Variants in ANKRD11 observed in about 807,000 individuals in gnomAD.
The protein encoded by ANKRD11 is ankyrin repeat domain 11, also known as ankyrin repeat domain-containing protein 11.
Under a neutral mutation model 195.7 loss-of-function variants are expected in ANKRD11, and 17 were observed. The ratio of observed to expected loss-of-function variants is 0.09; its 90% CI spans 0.06 to 0.13. The LOEUF is 0.13. Ranked by LOEUF, ANKRD11 falls within the 10% of genes least tolerant of loss-of-function variation. The pLI is 1.00. For synonymous variants in ANKRD11, 1,953 were observed against 1,528.1 expected (o/e 1.28, Z -6.49); for missense variants, 3,735 against 3,566.1 (o/e 1.05, Z -1.21).
chr16:89,340,802 T>C (rs2038620297), intron 2 of ANKRD11, among the ~76,000 whole-genome samples: 1 of 152,118 alleles, frequency 6.6e-6, no homozygotes, highest in Non-Finnish European at 1.5e-5. Flanking sequence ...ACCCCAGAAA[T>C]CACACAGAAA....
intron 1 of ANKRD11, among the ~76,000 whole-genome samples, chr16:89,487,099 T>C (rs1265588788): frequency 6.6e-6 from 1 of 152,118 alleles, no homozygotes; most frequent in Non-Finnish European, 1.5e-5. Flanking sequence ...TTTATTTGAA[T>C]TCATTCCATT....
intron 4 of ANKRD11, chr16:89,298,110 T>A (rs1259946841): frequency 6.6e-6 from 1 of 151,340 alleles, no homozygotes; most frequent in Non-Finnish European, 1.5e-5. Flanking sequence ...GTGGCAAGGG[T>A]GGGAAGGAGC....
At chr16:89,448,967 T>G (rs1245632235) in intron 1 of ANKRD11, among the ~76,000 whole-genome samples, 2 of 152,186 alleles carry the variant, frequency 1.3e-5, no homozygotes, top group African/African-American at 4.8e-5. Flanking sequence ...TAGTTCTTGG[T>G]AGCAGCCATC....
chr16:89,385,939 A>G (rs1259873181), intron 2 of ANKRD11, among the ~76,000 whole-genome samples: 1 of 152,216 alleles, frequency 6.6e-6, no homozygotes, highest in East Asian at 1.9e-4. Flanking sequence ...CGGATGCCAA[A>G]CTTAGCACAC....
At chr16:89,314,159 G>A (rs904071528) in intron 3 of ANKRD11, among the ~76,000 whole-genome samples, 10 of 151,846 alleles carry the variant, frequency 6.6e-5, no homozygotes, top group South Asian at 6.2e-4. Flanking sequence ...GGGGCAGTGG[G>A]GCAGGGTGGG....
chr16:89,384,581 G>A (rs1170540755), intron 2 of ANKRD11, among the ~76,000 whole-genome samples: 1 of 152,124 alleles, frequency 6.6e-6, no homozygotes, highest in Admixed American at 6.5e-5. Flanking sequence ...GGGACGGGAC[G>A]GGATGGGGCA....
intron 2 of ANKRD11, among the ~76,000 whole-genome samples, chr16:89,413,937 C>G (rs2042196849): frequency 6.6e-6 from 1 of 152,152 alleles, no homozygotes; most frequent in Non-Finnish European, 1.5e-5. Flanking sequence ...TCCAACCTGG[C>G]CACCCAGACA....
intron 2 of ANKRD11, among the ~76,000 whole-genome samples, chr16:89,391,875 A>G (rs1273863128): frequency 5.9e-5 from 9 of 152,258 alleles, no homozygotes; most frequent in Admixed American, 3.9e-4. Context: ...AAATCAATGT[A>G]CTTTATGTTC....
At chr16:89,286,282 G>A in intron 7 of ANKRD11, 96 bp from the exon 8 acceptor site, 1 of 1,549,164 alleles carries the variant, frequency 6.5e-7, no homozygotes, top group Non-Finnish European at 8.8e-7. Context: ...GAACCCTGGG[G>A]TTCGACCCGA....
chr16:89,290,693 C>T lies in ANKRD11; in HGVS notation c.533G>A (p.Arg178His). The T allele has an allele frequency of 1.2e-6, 2 of 1,614,108 alleles. No homozygotes were observed. The highest frequency in any genetic ancestry group is 8.5e-7 in the Non-Finnish European group (1 of 1,180,024). ...GETRLHRAAI[R>H]GDARRIKELI... ...CTCTTTGATGCGCCGGGCGTCCCCG[C>T]GGATGGCGGCTCGGTGCAGGCGGGT... Residue 178 changes from arginine (R) to histidine (H), a missense_variant, in exon 6 of 13, where the codon CGC becomes CAC. Physicochemically the swap from Arg to His is conservative, Grantham distance 29. Transcript: ENST00000301030.
intron 1 of ANKRD11, among the ~76,000 whole-genome samples, chr16:89,468,669 T>A (rs1470335774): frequency 6.6e-6 from 1 of 152,040 alleles, no homozygotes; most frequent in Non-Finnish European, 1.5e-5. Flanking sequence ...ATCGCGCCAC[T>A]GCACTCCAGC....
rs781584370 is a variant in ANKRD11, at chr16:89,279,187, C to T, written c.7355G>A (p.Arg2452His). 4 of 1,612,606 alleles carry T rather than the reference C, an allele frequency of 2.5e-6. No individual in the cohort carries two copies. Among genetic ancestry groups the T allele is most frequent in the South Asian group, 2.2e-5 (2 of 91,008 alleles). Residue 2452 changes from arginine to histidine, a missense_variant, in exon 9 of 13, where the codon CGC becomes CAC. By Grantham distance (29) the Arg-to-His change is conservative. Transcript: ENST00000301030. The surrounding 1 kb of genome is among the most constrained non-coding windows in gnomAD (Gnocchi z 5.6). Reference protein sequence around the residue: ...LQIRKKIEEKRKILCCITPQA... With the variant: ...LQIRKKIEEKHKILCCITPQA... ...CGGCGTGATACAGCACAGGATCTTG[C>T]GCTTCTCCTCGATCTTCTTCCTGAT...
At chr16:89,363,531 G>GA (rs1233282701) in intron 2 of ANKRD11, among the ~76,000 whole-genome samples, 17 of 151,584 alleles carry the variant, frequency 1.1e-4, no homozygotes, top group South Asian at 2.1e-4. Flanking sequence ...TCTCAAGGGG[G>GA]AAAAAAAACC....
chr16:89,320,815 G>A (rs1015480328), intron 2 of ANKRD11, among the ~76,000 whole-genome samples: 2 of 152,266 alleles, frequency 1.3e-5, no homozygotes, highest in South Asian at 2.1e-4. Context: ...GCTGGGAACA[G>A]CCGTCCTTGC....
At chr16:89,319,465 A>G (rs1299106003) in intron 2 of ANKRD11, among the ~76,000 whole-genome samples, 2 of 152,244 alleles carry the variant, frequency 1.3e-5, no homozygotes, top group Non-Finnish European at 2.9e-5. Context: ...TCCCAGGTGT[A>G]CGCTGTGTTT....
intron 1 of ANKRD11, among the ~76,000 whole-genome samples, chr16:89,441,056 T>C (rs898441356): frequency 9.9e-5 from 15 of 151,890 alleles, no homozygotes; most frequent in Non-Finnish European, 1.9e-4. Context: ...GCTAACACCG[T>C]GAAACCCTGT....
At chr16:89,349,473 C>A (rs2152025297) in intron 2 of ANKRD11, among the ~76,000 whole-genome samples, 1 of 152,178 alleles carries the variant, frequency 6.6e-6, no homozygotes, top group East Asian at 1.9e-4. Flanking sequence ...GAGCGAGACT[C>A]ATCTCAAAAA....
chr16:89,278,992 G>T, intron 9 of ANKRD11, 80 bp downstream of exon 9: 1 of 1,574,768 alleles, frequency 6.4e-7, no homozygotes, highest in Non-Finnish European at 8.6e-7. Context: ...GGACAAGACG[G>T]GCTGGAGGAA....
intron 3 of ANKRD11, among the ~76,000 whole-genome samples, chr16:89,311,531 A>T (rs1404213493): frequency 6.6e-6 from 1 of 152,228 alleles, no homozygotes; most frequent in African/African-American, 2.4e-5. Context: ...CACACCACAT[A>T]CAAAACATGA....
Sources: gnomAD v4.1 joint callset for allele counts (sites outside exome capture counted in the v4.1 genomes callset) on GRCh38, gnomAD v4.1.1 for gene constraint, Gnocchi (gnomAD v3.1) non-coding constraint, MANE v1.5 for transcripts, NCBI Gene and HGNC (gene_info 2026-07-23, HGNC 2026-07-21) for gene names.